CHN2: variants seen among roughly 807,000 people sequenced by gnomAD.
CHN2 encodes the protein beta-chimaerin.
Under a neutral mutation model 56.3 loss-of-function variants are expected in CHN2, and 35 were observed. That is an observed-to-expected ratio of 0.62 (90% CI 0.47 to 0.82). The LOEUF (loss-of-function observed/expected upper bound fraction) is 0.82, where lower values mean the gene tolerates loss of function less well. Among genes scored for constraint, CHN2 ranks in the 40% least tolerant of loss-of-function variants. The pLI is 0.00. For missense variants in CHN2, 491 were observed against 580.5 expected, an observed-to-expected ratio of 0.85 and a Z score of 1.58; for synonymous variants, 210 against 212.8, an observed-to-expected ratio of 0.99 and a Z score of 0.12.
chr7:29,421,430 G>C (rs1004198851), intron 6 of CHN2, among the ~76,000 whole-genome samples: 1 of 151,878 alleles, frequency 6.6e-6, no homozygotes, highest in African/African-American at 2.4e-5. Flanking sequence ...CTGGTAAAAA[G>C]TTCTGTGCAC....
At chr7:29,418,816 T>G (rs935528523) in intron 6 of CHN2, among the ~76,000 whole-genome samples, 6 of 152,316 alleles carry the variant, frequency 3.9e-5, no homozygotes, top group Admixed American at 3.9e-4. Flanking sequence ...ATTTAAGTGT[T>G]TAAAATGCAA....
At chr7:29,231,848 CATGT>C (rs1786737521) in intron 1 of CHN2, among the ~76,000 whole-genome samples, 1 of 152,188 alleles carries the variant, frequency 6.6e-6, no homozygotes, top group Non-Finnish European at 1.5e-5. Context: ...CTTATCATCA[CATGT>C]GATCATGGTT....
intron 7 of CHN2, among the ~76,000 whole-genome samples, chr7:29,481,562 A>C (rs1166703898): frequency 1.3e-5 from 2 of 151,970 alleles, no homozygotes; most frequent in Admixed American, 1.3e-4. Context: ...AGGGTGAAGA[A>C]TTGCATTGCA....
chr7:29,326,064 T>G (rs1795776041), intron 1 of CHN2, among the ~76,000 whole-genome samples: 1 of 152,230 alleles, frequency 6.6e-6, no homozygotes, highest in South Asian at 2.1e-4. Flanking sequence ...ACCACTATAG[T>G]TGGCTGTGTG....
At chr7:29,510,802 C>T (rs1791228081) in intron 12 of CHN2, among the ~76,000 whole-genome samples, 1 of 152,154 alleles carries the variant, frequency 6.6e-6, no homozygotes, top group African/African-American at 2.4e-5. Context: ...GTATGAATTC[C>T]AGGAGGCATG....
At chr7:29,160,203 A>AAAATATGTAC (rs1363745306) in intron 2 of CHN2, among the ~76,000 whole-genome samples, 24 of 152,216 alleles carry the variant, frequency 1.6e-4, no homozygotes, top group African/African-American at 5.1e-4. Flanking sequence ...CAGTTGATCT[A>AAAATATGTAC]AAATATGTAC....
intron 3 of CHN2, among the ~76,000 whole-genome samples, chr7:29,379,775 C>T (rs769716351): frequency 2.6e-5 from 4 of 151,854 alleles, no homozygotes; most frequent in Non-Finnish European, 5.9e-5. Flanking sequence ...GATGACTTGG[C>T]ATGAGAGCTG....
At chr7:29,229,075 T>C (rs1195391873) in intron 1 of CHN2, among the ~76,000 whole-genome samples, 1 of 152,194 alleles carries the variant, frequency 6.6e-6, no homozygotes, top group Admixed American at 6.5e-5. Flanking sequence ...CCCCCTCACC[T>C]GGACTGACCA....
At chr7:29,474,610 G>C (rs1786435444) in intron 6 of CHN2, among the ~76,000 whole-genome samples, 1 of 152,216 alleles carries the variant, frequency 6.6e-6, no homozygotes, top group Admixed American at 6.5e-5. Context: ...CAGCAGGACA[G>C]TGTTTGGAAT....
intron 1 of CHN2, among the ~76,000 whole-genome samples, chr7:29,280,257 G>A (rs373267501): frequency 4.1e-4 from 63 of 152,064 alleles, no homozygotes; most frequent in Admixed American, 1.7e-3. Context: ...GGTGGTGGGC[G>A]CCTGTAGTCC....
At chr7:29,421,462 C>A (rs1225780108) in intron 6 of CHN2, among the ~76,000 whole-genome samples, 1 of 150,110 alleles carries the variant, frequency 6.7e-6, no homozygotes, top group Non-Finnish European at 1.5e-5. Flanking sequence ...AGGCTACTGG[C>A]TAAAAACGAC....
At chr7:29,297,712 C>CA (rs1793299125) in intron 1 of CHN2, among the ~76,000 whole-genome samples, 1 of 151,990 alleles carries the variant, frequency 6.6e-6, no homozygotes, top group African/African-American at 2.4e-5. Context: ...GTTCCCTCCC[C>CA]ACCGAGCCCA....
chr7:29,172,769 T>G (rs1796767218), intron 2 of CHN2, among the ~76,000 whole-genome samples: 1 of 152,158 alleles, frequency 6.6e-6, no homozygotes, highest in African/African-American at 2.4e-5. Context: ...ATTTTAATAT[T>G]ATAAAACTTT....
chr7:29,376,974 TACTA>T (rs1458050071), intron 3 of CHN2, among the ~76,000 whole-genome samples: 1 of 152,206 alleles, frequency 6.6e-6, no homozygotes, highest in East Asian at 1.9e-4. Flanking sequence ...ATGTTTGTGT[TACTA>T]ATTAACAAAG....
intron 1 of CHN2, among the ~76,000 whole-genome samples, chr7:29,317,661 A>G (rs930182466): frequency 6.6e-6 from 1 of 152,126 alleles, no homozygotes; most frequent in Non-Finnish European, 1.5e-5. Context: ...TAAACTAGAC[A>G]ATAGGAGGGA....
intron 2 of CHN2, among the ~76,000 whole-genome samples, chr7:29,172,739 G>A (rs1796764765): frequency 6.6e-6 from 1 of 151,994 alleles, no homozygotes; most frequent in Admixed American, 6.6e-5. Context: ...TGTTAATTGG[G>A]AAAGAAGTAA....
At chr7:29,147,268 A>G in intron 2 of CHN2, 1 of 324,432 alleles carries the variant, frequency 3.1e-6, no homozygotes, top group African/African-American at 2.1e-5. Flanking sequence ...TATCAGCAAC[A>G]GCAGCGTCAA....
intron 1 of CHN2, chr7:29,212,455 C>T (rs1785026636): frequency 1.2e-6 from 2 of 1,601,196 alleles, no homozygotes; most frequent in South Asian, 1.1e-5. Context: ...GAGACTGTCT[C>T]TCCTCTTCTT....
intron 1 of CHN2, among the ~76,000 whole-genome samples, chr7:29,252,589 T>TG (rs1788692164): frequency 6.0e-5 from 2 of 33,378 alleles, no homozygotes; most frequent in African/African-American, 5.2e-4. Context: ...TTTTTTTTTT[T>TG]TTTTTTTTTT....
Sources: gnomAD v4.1 joint callset for allele counts (sites outside exome capture counted in the v4.1 genomes callset) on GRCh38, gnomAD v4.1.1 for gene constraint, MANE v1.5 for transcripts, NCBI Gene and HGNC (gene_info 2026-07-23, HGNC 2026-07-21) for gene names.